HSCB: variants seen among roughly 807,000 people sequenced by gnomAD.
The protein encoded by HSCB is iron-sulfur cluster co-chaperone protein HscB.
A neutral mutation model predicts 31.3 loss-of-function variants in HSCB; 23 were observed. The observed-to-expected ratio is 0.74, with a 90% confidence interval of 0.53 to 1.04. The LOEUF is 1.04. Ranked by LOEUF, HSCB falls within the 50% of genes least tolerant of loss-of-function variation. The pLI, the probability that HSCB is intolerant of heterozygous loss-of-function variation, is 0.00. For missense variants in HSCB, 297 were observed against 288.1 expected, an observed-to-expected ratio of 1.03 and a Z score of -0.22; for synonymous variants, 110 against 104.5, an observed-to-expected ratio of 1.05 and a Z score of -0.32.
intron 5 of HSCB, among the ~76,000 whole-genome samples, chr22:28,751,761 AT>A (rs2030276819): frequency 6.6e-6 from 1 of 150,964 alleles, no homozygotes; most frequent in African/African-American, 2.4e-5. Flanking sequence ...AAAAAAAAAA[AT>A]CAACATTTCT....
In HSCB at chr22:28,757,065, C is replaced by G; in HGVS notation, c.617-13C>G. 7.0e-7 allele frequency: 1 copy of G among 1,434,426 alleles called. No individual in the cohort carries two copies. The highest frequency in any genetic ancestry group is 9.8e-7 in the Non-Finnish European group (1 of 1,017,022). 88.9% of individuals were successfully genotyped at this position (1,434,426 alleles called of 1,614,324 possible). On this transcript the variant is annotated splice_polypyrimidine_tract_variant and intron_variant, in intron 5 of 5. Transcript: ENST00000216027. ...GAAATGAAGCCTGACTTCAGTGTCT[C>G]TGTCTATTTCAGATGACTTTGAAGA...
chr22:28,742,571 C>G (rs1360232640), intron 1 of HSCB: 3 of 502,796 alleles, frequency 6.0e-6, no homozygotes, highest in South Asian at 9.1e-5. Flanking sequence ...GAGGGGCGGG[C>G]GCTGAAGTTA....
chr22:28,752,454 G>A (rs1426765367), intron 5 of HSCB, among the ~76,000 whole-genome samples: 1 of 149,152 alleles, frequency 6.7e-6, no homozygotes, highest in Non-Finnish European at 1.5e-5. Flanking sequence ...AAAAAATTGG[G>A]CCGGGCATGG....
chr22:28,743,353 G>T (rs1422941241), intron 1 of HSCB, among the ~76,000 whole-genome samples: 1 of 152,138 alleles, frequency 6.6e-6, no homozygotes, highest in African/African-American at 2.4e-5. Flanking sequence ...GAGGATCGAG[G>T]ATTCTAGCTA....
At chr22:28,749,190 C>CT (rs1043427382) in intron 4 of HSCB, among the ~76,000 whole-genome samples, 5 of 152,036 alleles carry the variant, frequency 3.3e-5, no homozygotes, top group Admixed American at 2.6e-4. Context: ...CTCTAAAACT[C>CT]TTTAGCATCC....
intron 4 of HSCB, among the ~76,000 whole-genome samples, chr22:28,747,434 G>A (rs1180361251): frequency 3.3e-5 from 5 of 152,050 alleles, no homozygotes; most frequent in African/African-American, 1.2e-4. Flanking sequence ...TTGGATAGCT[G>A]GGACTACAGG....
chr22:28,742,441 G>C (rs922832637), intron 1 of HSCB, 110 bp downstream of exon 1: 23 of 1,485,856 alleles, frequency 1.5e-5, no homozygotes, highest in African/African-American at 1.3e-4. Flanking sequence ...GGACTGATGG[G>C]GGGGCGGAGG....
intron 2 of HSCB, 49 bp from the exon 3 acceptor site, chr22:28,744,566 A>C (rs750455718): frequency 1.4e-6 from 2 of 1,407,758 alleles, no homozygotes; most frequent in Admixed American, 3.4e-5. Context: ...AAAACAAAAA[A>C]ACTTTGTGAT....
Position 28,745,847 on chromosome 22 carries a change from G to T in HSCB, c.424-17G>T. ...ATAGCTTCTTCAACTTATTTTTCTT[G>T]CTTTCTACCCCAATAGCTAAAGCTC... is the stretch of plus-strand genomic sequence containing the variant. On this transcript the variant is annotated splice_polypyrimidine_tract_variant and intron_variant, in intron 3 of 5. Coordinates refer to ENST00000216027, the MANE Select transcript of HSCB (RefSeq NM_172002.5). 1.3e-6 allele frequency: 2 copies of T among 1,585,824 alleles called. No homozygotes were observed. Among genetic ancestry groups the T allele is most frequent in the Admixed American group, 1.9e-5 (1 of 52,576 alleles).
At chr22:28,756,249 C>CAA (rs150222695) in intron 5 of HSCB, among the ~76,000 whole-genome samples, 3 of 99,742 alleles carry the variant, frequency 3.0e-5, no homozygotes, top group Admixed American at 2.2e-4. Context: ...CTCCATCTCA[C>CAA]AAAAAAAAAA....
chr22:28,753,001 C>T (rs2030361279), intron 5 of HSCB, among the ~76,000 whole-genome samples: 1 of 151,438 alleles, frequency 6.6e-6, no homozygotes, highest in Non-Finnish European at 1.5e-5. Context: ...ATGGCTTGAT[C>T]CCGGAAGTCG....
At chr22:28,752,294 G>A (rs140929405) in intron 5 of HSCB, among the ~76,000 whole-genome samples, 3,057 of 151,764 alleles carry the variant, frequency 0.02, 106 homozygotes, top group African/African-American at 0.07. Context: ...TTAGCCAGGC[G>A]CAGTGGCGCG....
intron 5 of HSCB, among the ~76,000 whole-genome samples, chr22:28,755,637 T>A (rs2030554853): frequency 6.6e-6 from 1 of 152,208 alleles, no homozygotes; most frequent in South Asian, 2.1e-4. Flanking sequence ...CATATCCTTC[T>A]GTGACTTTTT....
chr22:28,752,387 C>T (rs1189097713), intron 5 of HSCB, among the ~76,000 whole-genome samples: 5 of 147,454 alleles, frequency 3.4e-5, no homozygotes, highest in Non-Finnish European at 6.0e-5. Flanking sequence ...GCCAAGATCA[C>T]GCCACTGCAC....
In HSCB at chr22:28,753,528, C is replaced by G. The variant is rs76285299; in HGVS notation, c.616+2240C>G. On this transcript the variant is annotated intron_variant, in intron 5 of 5. Transcript: ENST00000216027. ...GGGCGACAAGAGAAAAACTCCAACT[C>G]AAAAAAAAAGGATAGAAATTCTGAC... Among the ~76,000 whole-genome samples the G allele has an allele frequency of 6.2e-3, 893 of 143,210 alleles. 9 individuals carry two copies. Among genetic ancestry groups the G allele is most frequent in the African/African-American group, 0.022 (835 of 38,600 alleles). The allele number at this position is 143,210 out of a possible 152,430, so 94.0% of individuals were successfully genotyped here. A position where few individuals can be genotyped will look rare whatever the true frequency, so the allele number is the denominator to read the frequency against.
chr22:28,742,246 GGGCGGGA>G lies in HSCB; in HGVS notation c.154_160del (p.Arg52ThrfsTer71). 6.2e-7 allele frequency: 1 copy of G among 1,614,034 alleles called. No individual in the cohort carries two copies. The highest frequency in any genetic ancestry group is 1.3e-5 in the African/African-American group (1 of 75,044). ...GAACTGCGGCGGCCCATGGGGCCCC[GGGCGGGA>G]GGACAGGTTCTTCTGCCCACAGTGC... On this transcript the variant is annotated frameshift_variant, in exon 1 of 6. Coordinates refer to ENST00000216027, the MANE Select transcript of HSCB (RefSeq NM_172002.5). LOFTEE classifies it high-confidence loss of function.
intron 4 of HSCB, among the ~76,000 whole-genome samples, chr22:28,750,836 ACACT>A (rs2146217418): frequency 6.6e-6 from 1 of 152,202 alleles, no homozygotes; most frequent in African/African-American, 2.4e-5. Context: ...GTTGCCGGAA[ACACT>A]CAGTAATGCT....
chr22:28,756,303 A>G (rs1030543620), intron 5 of HSCB, among the ~76,000 whole-genome samples: 4 of 151,610 alleles, frequency 2.6e-5, no homozygotes, highest in East Asian at 1.9e-4. Context: ...CTTGGGAACT[A>G]TAAGCCCCCG....
intron 5 of HSCB, among the ~76,000 whole-genome samples, chr22:28,754,112 CAA>C (rs973341576): frequency 6.7e-6 from 1 of 149,458 alleles, no homozygotes; most frequent in African/African-American, 2.5e-5. Flanking sequence ...CTGACGGCAA[CAA>C]GAGCGAAACT....
Sources: allele counts gnomAD v4.1 joint callset (sites outside exome capture counted in the v4.1 genomes callset), GRCh38; gene constraint gnomAD v4.1.1; transcripts MANE v1.5; gene names NCBI Gene and HGNC (gene_info 2026-07-23, HGNC 2026-07-21).